SLC26A4: variants seen among roughly 807,000 people sequenced by gnomAD.
SLC26A4 encodes the protein pendrin.
A neutral mutation model predicts 90.4 loss-of-function variants in SLC26A4; 93 were observed. The observed-to-expected ratio is 1.03, with a 90% confidence interval of 0.87 to 1.22. The LOEUF (loss-of-function observed/expected upper bound fraction) is 1.22, where lower values mean the gene tolerates loss of function less well. Ranked by LOEUF, SLC26A4 falls within the 50% of genes most tolerant of loss-of-function variation. SLC26A4 has a pLI of 0.00. For missense variants in SLC26A4, 1,127 were observed against 946.2 expected, an observed-to-expected ratio of 1.19 and a Z score of -2.51; for synonymous variants, 393 against 354.6, an observed-to-expected ratio of 1.11 and a Z score of -1.22.
chr7:107,690,643 T>G (rs1181839452), intron 10 of SLC26A4, among the ~76,000 whole-genome samples: 1 of 152,178 alleles, frequency 6.6e-6, no homozygotes, highest in East Asian at 1.9e-4. Flanking sequence ...TCTATTCACA[T>G]TTCCTTTAGA....
chr7:107,692,154 C>T lies in SLC26A4; in HGVS notation c.1263+1917C>T, dbSNP rs978689244. On this transcript the variant is annotated intron_variant, in intron 10 of 20. Transcript: ENST00000644269. ...TGGTGCTCTGGTAAGCTAATACCCC[C>T]TGCCACATACTGGCATGTATTATAT... 3 of 1,080,148 alleles carry T rather than the reference C, an allele frequency of 2.8e-6. No individual in the cohort carries two copies. In the African/African-American group the frequency reaches 5.0e-5, roughly 18 times the overall value. 66.9% of individuals were successfully genotyped at this position (1,080,148 alleles called of 1,614,324 possible).
At position 107,698,100 on chromosome 7, in the gene SLC26A4, A is replaced by C; in HGVS notation, c.1603A>C (p.Asn535His). ...CACAGATATCTACAAAAGTACCAAG[A>C]ATTACAAAAACGTAAGTACCTTTGT... ...PSTDIYKSTKNYKNIEEPQGV... is the reference protein window; with the variant it reads ...PSTDIYKSTKHYKNIEEPQGV... The change falls in exon 14 of 21, where the codon AAT becomes CAT. Residue 535 changes from asparagine (N) to histidine (H), a missense_variant. By Grantham distance (68) the Asn-to-His change is moderately conservative. Coordinates refer to ENST00000644269, the MANE Select transcript of SLC26A4 (RefSeq NM_000441.2). 2 of 1,605,970 alleles carry C rather than the reference A, an allele frequency of 1.2e-6. No homozygotes were observed. Among genetic ancestry groups the C allele is most frequent in the Non-Finnish European group, 1.7e-6 (2 of 1,172,634 alleles).
Position 107,694,652 on chromosome 7 carries a change from T to C in SLC26A4, c.1373T>C (p.Leu458Pro), listed in dbSNP as rs773076588. 1 of 1,613,716 alleles carries C rather than the reference T, an allele frequency of 6.2e-7. No individual in the cohort carries two copies. The highest frequency in any genetic ancestry group is 1.1e-5 in the South Asian group (1 of 91,084). ...TTGGCAGCTGTTGTAATTGCCAACC[T>C]GAAAGGGATGTTTATGCAGCTGTGT... ...SVLAAVVIAN[L>P]KGMFMQLCDI... The change falls in exon 12 of 21, where the codon CTG (leucine) becomes CCG (proline). Residue 458 changes from leucine to proline, a missense_variant. By Grantham distance (98) the Leu-to-Pro change is moderately conservative. Coordinates refer to ENST00000644269, the MANE Select transcript of SLC26A4 (RefSeq NM_000441.2).
Position 107,661,743 on chromosome 7 carries a change from A to T in SLC26A4, c.102A>T (p.Gln34His). 1 of 1,551,160 alleles carries T rather than the reference A, an allele frequency of 6.4e-7. No homozygotes were observed. The highest frequency in any genetic ancestry group is 8.7e-7 in the Non-Finnish European group (1 of 1,151,690). The stretch of plus-strand genomic sequence containing the variant: ...TCTACAGCGAGCTCGCTTTCCAGCA[A>T]CAGCACGAGCGGCGCCTGCAGGAGC... ...RPVYSELAFQQQHERRLQERK... is the reference protein window; with the variant it reads ...RPVYSELAFQHQHERRLQERK... Residue 34 changes from glutamine to histidine, a missense_variant, in exon 2 of 21, where the codon CAA becomes CAT. Gln to His is a conservative substitution (Grantham distance 24). Transcript: ENST00000644269. The surrounding 1 kb of genome is among the most constrained non-coding windows in gnomAD (Gnocchi z 5.1).
chr7:107,706,314 A>G (rs79302671), intron 18 of SLC26A4, among the ~76,000 whole-genome samples: 3,751 of 152,210 alleles, frequency 0.025, 148 homozygotes, highest in African/African-American at 0.085. Context: ...CTGGCGAGGT[A>G]TTGCTTGCCT....
chr7:107,689,954 T>C (rs1399702721), intron 9 of SLC26A4, among the ~76,000 whole-genome samples, 170 bp from the exon 10 acceptor site: 1 of 152,142 alleles, frequency 6.6e-6, no homozygotes, highest in African/African-American at 2.4e-5. Flanking sequence ...GCGTCCAAAC[T>C]CCTGATGTCG....
intron 10 of SLC26A4, chr7:107,691,894 C>T: frequency 7.8e-7 from 1 of 1,275,846 alleles, no homozygotes; most frequent in Non-Finnish European, 1.0e-6. Flanking sequence ...ATTTCCAAAG[C>T]TGTGCACATT....
rs187377750 is a variant in SLC26A4 at position 107,698,882 on chromosome 7, G to A, written c.1614+771G>A. On this transcript the variant is annotated intron_variant, in intron 14 of 20. Coordinates refer to ENST00000644269, the MANE Select transcript of SLC26A4 (RefSeq NM_000441.2). The stretch of plus-strand genomic sequence containing the variant: ...AAAGAAATTAAACATCCCATTGATG[G>A]ACTTGTGTCACCTGCAAATAAAATT... Among the ~76,000 whole-genome samples, 5 of 152,234 alleles carry A rather than the reference G, an allele frequency of 3.3e-5. No homozygotes were observed. In the East Asian group the frequency reaches 9.6e-4, roughly 29 times the overall value.
rs1791043846 is a variant in SLC26A4, at chr7:107,677,104, G to A, written c.765+1995G>A. On this transcript the variant is annotated intron_variant, in intron 6 of 20. Transcript: ENST00000644269. ...AGGTGAGAGGATCACCTGAGCTCAG[G>A]AAGTTGAGGCTGCAGTGAGCCGAGA... Among the ~76,000 whole-genome samples, 6 of 152,314 alleles carry A rather than the reference G, an allele frequency of 3.9e-5. No homozygotes were observed. In the South Asian group the frequency reaches 1.2e-3, roughly 32 times the overall value.
In SLC26A4 at chr7:107,709,976, G is replaced by A. The variant is rs1315480905; in HGVS notation, c.2090-78G>A. The A allele has an allele frequency of 9.6e-6, 12 of 1,253,506 alleles. No homozygotes were observed. In the South Asian group the frequency reaches 9.8e-5, roughly 10 times the overall value. 77.6% of individuals were successfully genotyped at this position (1,253,506 alleles called of 1,614,324 possible). On this transcript the variant is annotated intron_variant, in intron 18 of 20. Transcript: ENST00000644269. ...CCACTGCACTCCAGCCTGGGCAATAGAATGAGACTCTGTCTCAAAAACAAA... is the reference window on the plus strand; with the variant it reads ...CCACTGCACTCCAGCCTGGGCAATAAAATGAGACTCTGTCTCAAAAACAAA...
intron 15 of SLC26A4, 103 bp from the exon 16 acceptor site, chr7:107,700,998 C>T: frequency 1.3e-6 from 1 of 772,460 alleles, no homozygotes; most frequent in South Asian, 1.4e-5. Context: ...CAGGATAGCT[C>T]AAGGAATTAT....
At chr7:107,693,407 T>C in intron 10 of SLC26A4, 1 of 985,408 alleles carries the variant, frequency 1.0e-6, no homozygotes, top group Non-Finnish European at 1.2e-6. Context: ...GCTTTCTAAT[T>C]TTCTGTTTAT....
rs1418539376 is a variant in SLC26A4, at chr7:107,701,114, C to T, written c.1721C>T (p.Ala574Val). The change falls in exon 16 of 21, where the codon GCC (alanine) becomes GTC (valine). Residue 574 changes from alanine (A) to valine (V), a missense_variant. Coordinates refer to ENST00000644269, the MANE Select transcript of SLC26A4 (RefSeq NM_000441.2). ...KCIKSTVGFDAIRVYNKRLKA... is the reference protein window; with the variant it reads ...KCIKSTVGFDVIRVYNKRLKA... ...TTATTTCCAAAGGTTGGATTTGATG[C>T]CATTAGAGTATATAATAAGAGGCTG... The T allele has an allele frequency of 1.2e-6, 2 of 1,603,254 alleles. No individual in the cohort carries two copies. Among genetic ancestry groups the T allele is most frequent in the Middle Eastern group, 1.7e-4 (1 of 6,032 alleles).
chr7:107,688,060 T>C (rs573136550), intron 8 of SLC26A4, among the ~76,000 whole-genome samples: 2 of 152,272 alleles, frequency 1.3e-5, no homozygotes, highest in South Asian at 4.1e-4. Context: ...TCGTCTAATA[T>C]CTAACATTTA....
At chr7:107,667,460 T>TA (rs1562820547) in intron 3 of SLC26A4, among the ~76,000 whole-genome samples, 475 of 26,422 alleles carry the variant, frequency 0.018, 25 homozygotes, top group African/African-American at 0.028. Flanking sequence ...GAGAGAAGGT[T>TA]TAAAAAAAAA....
intron 6 of SLC26A4, among the ~76,000 whole-genome samples, chr7:107,680,666 G>C (rs16872356): frequency 6.6e-6 from 1 of 151,718 alleles, no homozygotes; most frequent in Non-Finnish European, 1.5e-5. Flanking sequence ...ATGCAATTCT[G>C]TAATATAAAC....
At chr7:107,678,165 C>T (rs1365724035) in intron 6 of SLC26A4, among the ~76,000 whole-genome samples, 2 of 152,172 alleles carry the variant, frequency 1.3e-5, no homozygotes, top group African/African-American at 4.8e-5. Context: ...CTTGCTTTTA[C>T]TTACTTTTAC....
At chr7:107,675,649 C>G (rs1007030170) in intron 6 of SLC26A4, among the ~76,000 whole-genome samples, 4 of 149,146 alleles carry the variant, frequency 2.7e-5, no homozygotes, top group African/African-American at 7.4e-5. Context: ...TATTGGCTCA[C>G]CACAACCTCC....
chr7:107,666,246 G>C (rs947506862), intron 3 of SLC26A4, among the ~76,000 whole-genome samples: 1 of 152,158 alleles, frequency 6.6e-6, no homozygotes, highest in Admixed American at 6.5e-5. Flanking sequence ...TTTTGAGACA[G>C]GGTCTTGCTC....
Sources: gnomAD v4.1 joint callset for allele counts (sites outside exome capture counted in the v4.1 genomes callset) on GRCh38, gnomAD v4.1.1 for gene constraint, Gnocchi (gnomAD v3.1) non-coding constraint, MANE v1.5 for transcripts, NCBI Gene and HGNC (gene_info 2026-07-23, HGNC 2026-07-21) for gene names.